Variants in PLXNA4 observed in about 807,000 individuals in gnomAD.
The protein encoded by PLXNA4 is plexin A4, also known as plexin-A4.
PLXNA4 carries 44 observed loss-of-function variants against 191.8 expected under a neutral mutation model. That is an observed-to-expected ratio of 0.23 (90% confidence interval 0.18 to 0.29). The LOEUF (loss-of-function observed/expected upper bound fraction) is 0.29, where lower values mean the gene tolerates loss of function less well. Ranked by LOEUF, PLXNA4 falls within the 10% of genes least tolerant of loss-of-function variation. The pLI is 1.00. For missense variants in PLXNA4, 1,800 were observed against 2,488.8 expected, an observed-to-expected ratio of 0.72 and a Z score of 5.89; for synonymous variants, 1,082 against 1,009.5, an observed-to-expected ratio of 1.07 and a Z score of -1.36.
chr7:132,211,496 G>T (rs943795893), intron 9 of PLXNA4, among the ~76,000 whole-genome samples: 2 of 152,190 alleles, frequency 1.3e-5, no homozygotes, highest in Non-Finnish European at 2.9e-5. Context: ...ACTGGGGACT[G>T]ATGATTTCTT....
At chr7:132,215,643 T>C (rs550566790) in intron 9 of PLXNA4, among the ~76,000 whole-genome samples, 1 of 152,266 alleles carries the variant, frequency 6.6e-6, no homozygotes, top group Admixed American at 6.5e-5. Context: ...AGCCCTCTCC[T>C]CTGGGGAAGG....
chr7:132,428,129 G>A (rs1024065272), intron 3 of PLXNA4, among the ~76,000 whole-genome samples: 3 of 152,176 alleles, frequency 2.0e-5, no homozygotes, highest in Non-Finnish European at 4.4e-5. Flanking sequence ...TGCCCTGCAT[G>A]AGCTGCCTTC....
At chr7:132,369,248 C>T (rs1296191945) in intron 3 of PLXNA4, among the ~76,000 whole-genome samples, 1 of 152,210 alleles carries the variant, frequency 6.6e-6, no homozygotes, top group African/African-American at 2.4e-5. Context: ...TCCTTTGATT[C>T]TCAGGCCCCC....
chr7:132,352,514 A>C (rs1803533676), intron 3 of PLXNA4: 2 of 152,272 alleles, frequency 1.3e-5, no homozygotes, highest in Admixed American at 1.3e-4. Flanking sequence ...GGTTGGAAGC[A>C]GAGTTTACCT....
intron 12 of PLXNA4, among the ~76,000 whole-genome samples, chr7:132,200,302 C>G (rs1797389872): frequency 1.3e-5 from 2 of 152,256 alleles, no homozygotes; most frequent in Non-Finnish European, 1.5e-5. Context: ...CGCAGCAGCC[C>G]CCTGGGTTGG....
intron 2 of PLXNA4, among the ~76,000 whole-genome samples, chr7:132,609,499 C>A (rs1183479089): frequency 6.6e-6 from 1 of 152,312 alleles, no homozygotes; most frequent in East Asian, 1.9e-4. Flanking sequence ...CCTTCCACCA[C>A]CCTTCTTGTG....
At position 132,277,227 on chromosome 7, in the gene PLXNA4, C is replaced by T. The variant is rs182848266; in HGVS notation, c.1503+20864G>A. On this transcript the variant is annotated intron_variant, in intron 4 of 31. Coordinates refer to ENST00000321063, the MANE Select transcript of PLXNA4 (RefSeq NM_020911.2). ...GGCACTGTGGCTTAAGTGGGGGAAG[C>T]TGGATCTCAGGAGTTTGACCCAGGC... 1.1e-4 allele frequency among the ~76,000 whole-genome samples: 17 copies of T among 152,276 alleles called. No individual in the cohort carries two copies. In the East Asian group the frequency reaches 2.5e-3, roughly 23 times the overall value.
At chr7:132,439,819 C>T (rs994210489) in intron 3 of PLXNA4, among the ~76,000 whole-genome samples, 1 of 152,228 alleles carries the variant, frequency 6.6e-6, no homozygotes, top group Non-Finnish European at 1.5e-5. Context: ...GTCCTCTAGG[C>T]CCTGCTGAGT....
At chr7:132,180,765 C>G (rs1333168550) in intron 18 of PLXNA4, 33 bp from the exon 19 acceptor site, 1 of 1,595,794 alleles carries the variant, frequency 6.3e-7, no homozygotes, top group Non-Finnish European at 8.6e-7. Context: ...GTTCCCACCC[C>G]AGAGTGAGGA....
Position 132,176,195 on chromosome 7 carries a change from A to T in PLXNA4, c.3875-1275T>A, listed in dbSNP as rs533325027. Among the ~76,000 whole-genome samples, 9 of 152,286 alleles carry T rather than the reference A, an allele frequency of 5.9e-5. No homozygotes were observed. In the East Asian group the frequency reaches 1.7e-3, roughly 29 times the overall value. On this transcript the variant is annotated intron_variant, in intron 20 of 31. Transcript: ENST00000321063. ...CTGCTTGTTTGAGAGAGCCAAGGGG[A>T]TGCCACCTGGAGAGTCCTCTGCAGC...
At chr7:132,242,130 G>A (rs573968542) in intron 4 of PLXNA4, among the ~76,000 whole-genome samples, 2 of 149,210 alleles carry the variant, frequency 1.3e-5, no homozygotes, top group East Asian at 3.9e-4. Context: ...CGTTTTGCCG[G>A]TTTTTTTCTT....
intron 3 of PLXNA4, among the ~76,000 whole-genome samples, chr7:132,366,398 C>T (rs1391614286): frequency 6.6e-6 from 1 of 152,026 alleles, no homozygotes; most frequent in Non-Finnish European, 1.5e-5. Context: ...GTGGCGGGTG[C>T]CTGTAACCCC....
intron 1 of PLXNA4, among the ~76,000 whole-genome samples, chr7:132,517,005 G>A (rs1016913152): frequency 6.6e-6 from 1 of 152,086 alleles, no homozygotes; most frequent in Non-Finnish European, 1.5e-5. Flanking sequence ...AGGGGCTGAG[G>A]GTCTTCTAGA....
chr7:132,571,944 C>T (rs1801998566), intron 1 of PLXNA4, among the ~76,000 whole-genome samples: 1 of 152,078 alleles, frequency 6.6e-6, no homozygotes, highest in Non-Finnish European at 1.5e-5. Flanking sequence ...ATTTTATAAC[C>T]TACCAACAGC....
intron 3 of PLXNA4, among the ~76,000 whole-genome samples, chr7:132,371,648 C>T (rs990637587): frequency 1.3e-5 from 2 of 152,154 alleles, no homozygotes; most frequent in East Asian, 1.9e-4. Flanking sequence ...GCCTTAAACT[C>T]GAGTGGGGAC....
intron 28 of PLXNA4, 141 bp downstream of exon 28, chr7:132,146,369 T>G: frequency 7.2e-7 from 1 of 1,382,314 alleles, no homozygotes; most frequent in Non-Finnish European, 1.0e-6. Context: ...CGGGGAATGG[T>G]CAGCAGTGCC....
At chr7:132,298,065 G>C in intron 4 of PLXNA4, 26 bp downstream of exon 4, 1 of 1,614,010 alleles carries the variant, frequency 6.2e-7, no homozygotes, top group East Asian at 2.2e-5. Context: ...CAAGACAAAT[G>C]TCTAGCGGAG....
intron 3 of PLXNA4, among the ~76,000 whole-genome samples, chr7:132,354,156 C>T (rs565183436): frequency 3.3e-5 from 5 of 150,990 alleles, no homozygotes; most frequent in South Asian, 2.1e-4. Flanking sequence ...AATGTGTATG[C>T]CTGTAAGCCT....
chr7:132,282,751 G>A (rs1388262605), intron 4 of PLXNA4, among the ~76,000 whole-genome samples: 1 of 149,538 alleles, frequency 6.7e-6, no homozygotes, highest in East Asian at 2.0e-4. Flanking sequence ...TAACACTAAA[G>A]AGGCAAAAGG....
Sources: gnomAD v4.1 joint callset for allele counts (sites outside exome capture counted in the v4.1 genomes callset) on GRCh38, gnomAD v4.1.1 for gene constraint, MANE v1.5 for transcripts, NCBI Gene and HGNC (gene_info 2026-07-23, HGNC 2026-07-21) for gene names.